CES5A: variants seen among roughly 807,000 people sequenced by gnomAD.
CES5A encodes the protein carboxylesterase 5A.
A neutral mutation model predicts 62.9 loss-of-function variants in CES5A; 67 were observed. The ratio of observed to expected loss-of-function variants is 1.07; its 90% CI spans 0.88 to 1.31. The LOEUF is 1.31. Ranked by LOEUF, CES5A falls within the 50% of genes most tolerant of loss-of-function variation. The probability of loss-of-function intolerance (pLI) is 0.00; values close to 1 mark genes in which losing one functional copy is unlikely to be tolerated. For missense variants in CES5A, 748 were observed against 708.5 expected (o/e 1.06, Z -0.63); for synonymous variants, 296 against 280.8 (o/e 1.05, Z -0.54).
chr16:55,877,454 A>ATGTG (rs778731498), upstream of CES5A, among the ~76,000 whole-genome samples: 1 of 113,838 alleles, frequency 8.8e-6, no homozygotes. Flanking sequence ...ATATATATGT[A>ATGTG]TGTGTGTGTG....
intron 1 of CES5A, among the ~76,000 whole-genome samples, chr16:55,921,636 GAAAAAAA>G (rs1187326389): frequency 4.5e-3 from 277 of 61,956 alleles, no homozygotes; most frequent in African/African-American, 0.012. Context: ...CAATCTGAAA[GAAAAAAA>G]AAAAAAAAAA....
At chr16:55,934,263 T>C (rs2034344431) in intron 2 of CES5A, among the ~76,000 whole-genome samples, 1 of 152,240 alleles carries the variant, frequency 6.6e-6, no homozygotes, top group South Asian at 2.1e-4. Context: ...CACTAAAATG[T>C]AAATTTCAAG....
chr16:55,859,682 T>C lies in CES5A; in HGVS notation c.921A>G (p.Thr307=). The C allele has an allele frequency of 6.2e-7, 1 of 1,603,782 alleles. No individual in the cohort carries two copies. Among genetic ancestry groups the C allele is most frequent in the African/African-American group, 1.3e-5 (1 of 74,180 alleles). ...SKELLTLSQK[T]KSFTRVVDGA... ...CATCAACCACTCGAGTGAAAGACTTTGTTTTCTGTAATAAGGAAGAAAAAA... is the reference window on the plus strand; with the variant it reads ...CATCAACCACTCGAGTGAAAGACTTCGTTTTCTGTAATAAGGAAGAAAAAA... Residue 307 remains threonine (T), a synonymous_variant, in exon 8 of 13, where the codon ACA becomes ACG. Transcript: ENST00000290567.
intron 1 of CES5A, among the ~76,000 whole-genome samples, chr16:55,911,536 C>A (rs2034092965): frequency 6.6e-6 from 1 of 152,198 alleles, no homozygotes; most frequent in Non-Finnish European, 1.5e-5. Context: ...CACAACACAA[C>A]AGAAGTGTTA....
chr16:55,954,008 G>A (rs2034583431), intron 1 of CES5A, among the ~76,000 whole-genome samples: 1 of 151,994 alleles, frequency 6.6e-6, no homozygotes, highest in Non-Finnish European at 1.5e-5. Flanking sequence ...CTATATTTTT[G>A]CACCCATTAA....
At chr16:55,860,905 A>G (rs2033338459) in intron 7 of CES5A, among the ~76,000 whole-genome samples, 1 of 152,198 alleles carries the variant, frequency 6.6e-6, no homozygotes, top group Non-Finnish European at 1.5e-5. Flanking sequence ...ATAAAAGATC[A>G]CCCGGTCCAA....
intron 1 of CES5A, chr16:55,955,773 G>A: frequency 6.7e-7 from 1 of 1,492,596 alleles, no homozygotes; most frequent in Non-Finnish European, 9.0e-7. Context: ...TCTAATCTAA[G>A]GCTCATCTTT....
At chr16:55,896,683 G>A (rs2033937946) in intron 1 of CES5A, among the ~76,000 whole-genome samples, 1 of 152,192 alleles carries the variant, frequency 6.6e-6, no homozygotes, top group Admixed American at 6.5e-5. Flanking sequence ...CATATAAATG[G>A]TAGAGGTTTC....
intron 1 of CES5A, among the ~76,000 whole-genome samples, chr16:55,918,107 A>G (rs12446518): frequency 0.23 from 35,355 of 152,102 alleles, 5,161 homozygotes; most frequent in Non-Finnish European, 0.33. Flanking sequence ...GCACAGAGGT[A>G]CCTGGAGTAT....
chr16:55,941,817 A>G (rs1448473923), intron 2 of CES5A, among the ~76,000 whole-genome samples: 1 of 152,118 alleles, frequency 6.6e-6, no homozygotes, highest in African/African-American at 2.4e-5. Flanking sequence ...ATCGTTCTAT[A>G]TTCTGATTCT....
intron 2 of CES5A, among the ~76,000 whole-genome samples, chr16:55,940,226 T>C (rs1272639775): frequency 2.6e-5 from 4 of 151,984 alleles, no homozygotes; most frequent in Non-Finnish European, 5.9e-5. Context: ...TGAAAGGCTA[T>C]GGAGAAAGTT....
intron 4 of CES5A, among the ~76,000 whole-genome samples, chr16:55,867,623 C>T (rs1355598111): frequency 6.6e-6 from 1 of 152,132 alleles, no homozygotes; most frequent in Non-Finnish European, 1.5e-5. Flanking sequence ...ACTGTGGCTC[C>T]CACCCTGGTC....
At chr16:55,854,243 C>T (rs1411055288) in intron 9 of CES5A, among the ~76,000 whole-genome samples, 3 of 152,146 alleles carry the variant, frequency 2.0e-5, no homozygotes, top group Non-Finnish European at 4.4e-5. Context: ...TAGCATGCTA[C>T]TGTGCCTAGG....
chr16:55,943,906 C>A, intron 2 of CES5A: 1 of 616,108 alleles, frequency 1.6e-6, no homozygotes, highest in South Asian at 1.9e-5. Context: ...AACTGAGTAT[C>A]CAGTAAGAGG....
intron 1 of CES5A, among the ~76,000 whole-genome samples, chr16:55,922,519 A>G (rs899478204): frequency 4.6e-5 from 7 of 152,016 alleles, no homozygotes; most frequent in African/African-American, 1.7e-4. Context: ...TTATGTATCC[A>G]GTACCAGAGC....
rs1002890221 is a variant in CES5A at position 55,846,810 on chromosome 16, C to T, written c.1454G>A (p.Ser485Asn). 3 of 1,614,016 alleles carry T rather than the reference C, an allele frequency of 1.9e-6. No homozygotes were observed. Among genetic ancestry groups the T allele is most frequent in the Admixed American group, 3.3e-5 (2 of 60,008 alleles). The change falls in exon 12 of 13, where the codon AGC (serine) becomes AAC (asparagine). Residue 485 changes from serine (S) to asparagine (N), a missense_variant. Physicochemically the swap from Ser to Asn is conservative, Grantham distance 46. Transcript: ENST00000290567. ...AGCCCAGTATTTCATCATCTTCCGGCTCAGTAACTTCTCCTCCTCCGTGGC... is the reference window on the plus strand; with the variant it reads ...AGCCCAGTATTTCATCATCTTCCGGTTCAGTAACTTCTCCTCCTCCGTGGC... Reference protein sequence around the residue: ...EGATEEEKLLSRKMMKYWATF... With the variant: ...EGATEEEKLLNRKMMKYWATF...
At chr16:55,865,296 T>C (rs1444719333) in intron 5 of CES5A, among the ~76,000 whole-genome samples, 3 of 152,234 alleles carry the variant, frequency 2.0e-5, no homozygotes, top group African/African-American at 7.2e-5. Context: ...GATATAGATA[T>C]ATAGATAAAC....
In CES5A at chr16:55,873,970, C is replaced by T; in HGVS notation, c.141G>A (p.Val47=). The T allele has an allele frequency of 6.2e-7, 1 of 1,613,078 alleles. No homozygotes were observed. The highest frequency in any genetic ancestry group is 8.5e-7 in the Non-Finnish European group (1 of 1,179,772). The change falls in exon 2 of 13, where the codon GTG becomes GTA. Residue 47 remains valine (V), a synonymous_variant. Coordinates refer to ENST00000290567, the MANE Select transcript of CES5A (RefSeq NM_001143685.2). ...LGWIQGKQVT[V]LGSPVPVNVF... ...CGTTCACAGGCACAGGGCTTCCCAGCACAGTGACTTGCTTGCCCTGAATCC... is the reference window on the plus strand; with the variant it reads ...CGTTCACAGGCACAGGGCTTCCCAGTACAGTGACTTGCTTGCCCTGAATCC...
chr16:55,896,376 G>C (rs1261217671), intron 1 of CES5A, among the ~76,000 whole-genome samples: 2 of 152,074 alleles, frequency 1.3e-5, no homozygotes, highest in African/African-American at 4.8e-5. Flanking sequence ...TTTCTCTCTT[G>C]CTTCCTCTCA....
Sources: allele counts gnomAD v4.1 joint callset (sites outside exome capture counted in the v4.1 genomes callset), GRCh38; gene constraint gnomAD v4.1.1; transcripts MANE v1.5; gene names NCBI Gene and HGNC (gene_info 2026-07-23, HGNC 2026-07-21).